Variants in KLHL13 observed in about 807,000 individuals in gnomAD.
The protein encoded by KLHL13 is kelch like family member 13.
A neutral mutation model predicts 37.1 loss-of-function variants in KLHL13; 10 were observed. The ratio of observed to expected loss-of-function variants is 0.27; its 90% CI spans 0.17 to 0.46. KLHL13 has a LOEUF of 0.46. KLHL13 is among the 20% of genes least tolerant of loss of function. KLHL13 has a pLI of 1.00. For missense variants in KLHL13, 360 were observed against 509.3 expected (o/e 0.71, Z 2.82); for synonymous variants, 163 against 181.2 (o/e 0.90, Z 0.81).
chrX:117,912,168 A>G lies in KLHL13; in HGVS notation c.571-2072T>C, dbSNP rs184930088. 1.8e-4 allele frequency among the ~76,000 whole-genome samples: 20 copies of G among 112,084 alleles called. No individual in the cohort carries two copies. In the East Asian group the frequency reaches 5.3e-3, roughly 30 times the overall value. ...ATGAATTCACTTCCCAAGACAAGTA[A>G]GAATTATCTCGTCCCCAGAGTGAAG... On this transcript the variant is annotated intron_variant, in intron 4 of 6. Transcript: ENST00000262820.
At chrX:118,100,767 C>T (rs984034764) in intron 1 of KLHL13, among the ~76,000 whole-genome samples, 2 of 111,538 alleles carry the variant, frequency 1.8e-5, no homozygotes, top group African/African-American at 6.5e-5. Flanking sequence ...TCAAAATTCT[C>T]CCGTATATCC....
At position 118,081,441 on chromosome X, in the gene KLHL13, A is replaced by G. The variant is rs2188745; in HGVS notation, c.-56+35067T>C. Reference sequence around the variant, plus strand: ...AATACAAATACCATTTGTTACAGTGATGTTGATTTTTGGTTTTTTTTAACT... The same window carrying G: ...AATACAAATACCATTTGTTACAGTGGTGTTGATTTTTGGTTTTTTTTAACT... On this transcript the variant is annotated intron_variant, in intron 1 of 6. Coordinates refer to the KLHL13 transcript ENST00000371882. Among the ~76,000 whole-genome samples, 1,033 of 110,758 alleles carry G rather than the reference A, an allele frequency of 9.3e-3. 32 individuals are homozygous for G. The East Asian group carries it at 0.093, about 10-fold the overall frequency.
chrX:118,028,449 A>G (rs1473218842), intron 1 of KLHL13: 2 of 1,130,104 alleles, frequency 1.8e-6, no homozygotes, highest in African/African-American at 3.6e-5. Flanking sequence ...GCAGCAACCA[A>G]TTCCCCTCTA....
At chrX:117,994,444 G>T (rs2053831658) in intron 1 of KLHL13, among the ~76,000 whole-genome samples, 1 of 110,355 alleles carries the variant, frequency 9.1e-6, no homozygotes, top group Non-Finnish European at 1.9e-5. Context: ...TAGAGATGGG[G>T]TCTCGCTATG....
At chrX:117,922,197 G>A (rs752809119) in intron 2 of KLHL13, among the ~76,000 whole-genome samples, 1 of 111,249 alleles carries the variant, frequency 9.0e-6, no homozygotes, top group South Asian at 3.8e-4. Context: ...TTTTTGTTTT[G>A]TTTTTTTGAG....
chrX:118,071,121 G>A (rs1358712233), intron 1 of KLHL13, among the ~76,000 whole-genome samples: 1 of 111,940 alleles, frequency 8.9e-6, no homozygotes, highest in Non-Finnish European at 1.9e-5. Flanking sequence ...ATTCCATGGT[G>A]TATATGTGCC....
chrX:117,903,179 C>CGAGAGA (rs56692141), intron 5 of KLHL13, among the ~76,000 whole-genome samples: 2,752 of 92,204 alleles, frequency 0.03, 139 homozygotes, highest in African/African-American at 0.11. Flanking sequence ...GAGAGGAGAG[C>CGAGAGA]GAGAGAGAGA....
Position 118,097,749 on chromosome X carries a change from G to C in KLHL13, c.-56+18759C>G, listed in dbSNP as rs752709670. On this transcript the variant is annotated intron_variant, in intron 1 of 6. Coordinates refer to the KLHL13 transcript ENST00000371882. ...AACAGAGATATAGACCAATGGAACAGAACAGAGCCCTCAGAAATAACGCCG... is the reference window on the plus strand; with the variant it reads ...AACAGAGATATAGACCAATGGAACACAACAGAGCCCTCAGAAATAACGCCG... Among the ~76,000 whole-genome samples, 274 of 111,430 alleles carry C rather than the reference G, an allele frequency of 2.5e-3. 1 individual carries two copies. Among genetic ancestry groups the C allele is most frequent in the African/African-American group, 8.2e-3 (251 of 30,647 alleles).
intron 1 of KLHL13, among the ~76,000 whole-genome samples, chrX:118,100,446 C>T (rs780427162): frequency 9.0e-6 from 1 of 111,728 alleles, no homozygotes; most frequent in African/African-American, 3.2e-5. Context: ...TTAAGAAAAA[C>T]ACTGATATTG....
At chrX:118,015,085 T>C (rs2147997715) in intron 1 of KLHL13, among the ~76,000 whole-genome samples, 1 of 111,675 alleles carries the variant, frequency 9.0e-6, no homozygotes, top group South Asian at 3.7e-4. Flanking sequence ...ATTTTACAGA[T>C]GAGGAAATGG....
intron 1 of KLHL13, among the ~76,000 whole-genome samples, chrX:118,108,082 G>C (rs1292175603): frequency 1.8e-5 from 2 of 111,659 alleles, no homozygotes; most frequent in Admixed American, 1.9e-4. Flanking sequence ...TCCAAGAGTG[G>C]AACAGAAAAC....
At chrX:117,961,697 G>C (rs1369359846) in intron 1 of KLHL13, among the ~76,000 whole-genome samples, 1 of 110,957 alleles carries the variant, frequency 9.0e-6, no homozygotes, top group Non-Finnish European at 1.9e-5. Context: ...AGGGAGGAAT[G>C]GGGCTGGAAT....
At chrX:117,972,869 C>T in exon 1 of KLHL13, 1 of 1,200,430 alleles carries the variant, frequency 8.3e-7, no homozygotes, top group Non-Finnish European at 1.1e-6. Flanking sequence ...AGAGCGTTTC[C>T]ATAACAGACT....
At chrX:118,042,149 A>T (rs1435590350) in intron 1 of KLHL13, among the ~76,000 whole-genome samples, 1 of 112,011 alleles carries the variant, frequency 8.9e-6, no homozygotes, top group East Asian at 2.8e-4. Flanking sequence ...AGTCAGCCAG[A>T]GGATATAAAA....
At chrX:118,059,542 T>C (rs1330060732) in intron 1 of KLHL13, among the ~76,000 whole-genome samples, 4 of 111,979 alleles carry the variant, frequency 3.6e-5, no homozygotes, top group Non-Finnish European at 5.6e-5. Context: ...TATATCACTA[T>C]AGAAATTCAT....
At chrX:118,045,230 C>G (rs922329252) in intron 1 of KLHL13, among the ~76,000 whole-genome samples, 2 of 108,789 alleles carry the variant, frequency 1.8e-5, no homozygotes, top group South Asian at 8.2e-4. Flanking sequence ...AAAAATTAGC[C>G]GGGCATGGTG....
chrX:117,923,232 T>G (rs1271251055), intron 2 of KLHL13, among the ~76,000 whole-genome samples: 1 of 111,541 alleles, frequency 9.0e-6, no homozygotes, highest in Non-Finnish European at 1.9e-5. Flanking sequence ...GGACTGGAGT[T>G]GTTGGTTCGA....
At chrX:117,918,593 T>A (rs1033488096) in intron 4 of KLHL13, among the ~76,000 whole-genome samples, 1 of 111,730 alleles carries the variant, frequency 9.0e-6, no homozygotes, top group Non-Finnish European at 1.9e-5. Flanking sequence ...TTCTGTCCAA[T>A]GTAGCCATTT....
At chrX:117,966,721 A>C (rs1012743602) in intron 1 of KLHL13, among the ~76,000 whole-genome samples, 1 of 111,243 alleles carries the variant, frequency 9.0e-6, no homozygotes, top group African/African-American at 3.3e-5. Context: ...GATATAGACC[A>C]ATGGAACAGA....
Sources: gnomAD v4.1 joint callset for allele counts (sites outside exome capture counted in the v4.1 genomes callset) on GRCh38, gnomAD v4.1.1 for gene constraint, MANE v1.5 for transcripts, NCBI Gene and HGNC (gene_info 2026-07-23, HGNC 2026-07-21) for gene names.